The following CDH8 variants were observed in gnomAD, a reference collection of about 807,000 sequenced individuals.
CDH8 encodes cadherin-8.
A neutral mutation model predicts 68.1 loss-of-function variants in CDH8; 17 were observed. The ratio of observed to expected loss-of-function variants is 0.25; its 90% CI spans 0.17 to 0.37. The LOEUF (loss-of-function observed/expected upper bound fraction) is 0.37. CDH8 is among the 10% of genes least tolerant of loss of function. The pLI is 1.00. For synonymous variants in CDH8, 372 were observed against 365.1 expected, an observed-to-expected ratio of 1.02 and a Z score of -0.21; for missense variants, 763 against 999.3, an observed-to-expected ratio of 0.76 and a Z score of 3.19.
chr16:62,036,399 C>G lies in CDH8; in HGVS notation c.-519G>C, dbSNP rs1316544556. 1 of 152,602 alleles carries G rather than the reference C, an allele frequency of 6.6e-6. No homozygotes were observed. The highest frequency in any genetic ancestry group is 2.4e-5 in the African/African-American group (1 of 41,490). The allele number at this position is 152,602 out of a possible 1,614,324, so 9.5% of individuals were successfully genotyped here. A position where few individuals can be genotyped will look rare whatever the true frequency, so the allele number is the denominator to read the frequency against. On this transcript the variant is annotated 5_prime_UTR_variant, in exon 1 of 12. Transcript: ENST00000577390. ...AAATCCACTAATTCTGGGCTGAGCG[C>G]TCCGGCGTGCGAGCCCGCCTGCCTG...
chr16:61,721,318 A>G (rs548643476), intron 9 of CDH8, among the ~76,000 whole-genome samples: 5 of 150,936 alleles, frequency 3.3e-5, no homozygotes, highest in Non-Finnish European at 7.4e-5. Context: ...TATCAATTTC[A>G]TCTGTTTTAA....
At chr16:61,719,545 C>T (rs1959201816) in intron 9 of CDH8, among the ~76,000 whole-genome samples, 1 of 150,880 alleles carries the variant, frequency 6.6e-6, no homozygotes, top group African/African-American at 2.4e-5. Context: ...AAATAAAAAC[C>T]ACTCCATCTC....
chr16:61,815,255 T>C (rs941403672), intron 7 of CDH8, among the ~76,000 whole-genome samples: 2 of 152,160 alleles, frequency 1.3e-5, no homozygotes, highest in African/African-American at 4.8e-5. Flanking sequence ...TCAAGCTTCC[T>C]CTACACAAAC....
At chr16:61,926,497 T>G (rs924931367) in intron 2 of CDH8, among the ~76,000 whole-genome samples, 3 of 152,162 alleles carry the variant, frequency 2.0e-5, no homozygotes, top group Admixed American at 6.5e-5. Context: ...AAGGGTCAGC[T>G]CCTGCATTCA....
intron 4 of CDH8, among the ~76,000 whole-genome samples, chr16:61,849,811 A>G (rs773819768): frequency 4.7e-4 from 71 of 152,254 alleles, no homozygotes; most frequent in Non-Finnish European, 7.8e-4. Context: ...CCAACAATGC[A>G]AGAGCTTTTG....
At chr16:61,744,969 TTTTG>T (rs1435984269) in intron 8 of CDH8, among the ~76,000 whole-genome samples, 2 of 151,372 alleles carry the variant, frequency 1.3e-5, no homozygotes, top group South Asian at 2.1e-4. Flanking sequence ...ATATTAATAT[TTTTG>T]TTTATCTTCT....
chr16:61,803,255 C>G (rs1961703120), intron 7 of CDH8, among the ~76,000 whole-genome samples: 1 of 126,166 alleles, frequency 7.9e-6, no homozygotes, highest in South Asian at 2.5e-4. Context: ...ACTTCACAGA[C>G]AAGCAAATGC....
chr16:61,921,081 A>G (rs1251811307), intron 2 of CDH8, among the ~76,000 whole-genome samples: 1 of 131,242 alleles, frequency 7.6e-6, no homozygotes, highest in South Asian at 2.5e-4. Context: ...AGGAAGGGGA[A>G]CATCACACTC....
At chr16:61,961,904 T>A (rs1252599404) in intron 2 of CDH8, among the ~76,000 whole-genome samples, 1 of 152,232 alleles carries the variant, frequency 6.6e-6, no homozygotes, top group Non-Finnish European at 1.5e-5. Context: ...GTGGAAAATT[T>A]ACTTACAACT....
At chr16:61,748,005 T>A (rs1016247993) in intron 8 of CDH8, among the ~76,000 whole-genome samples, 1 of 152,070 alleles carries the variant, frequency 6.6e-6, no homozygotes, top group African/African-American at 2.4e-5. Context: ...ATTTTTTCCA[T>A]CAAGGCATTG....
At chr16:61,669,230 G>A (rs1963742373) in intron 10 of CDH8, among the ~76,000 whole-genome samples, 1 of 151,990 alleles carries the variant, frequency 6.6e-6, no homozygotes, top group Non-Finnish European at 1.5e-5. Flanking sequence ...CTTGCCATCA[G>A]CTATACCTCC....
At chr16:61,710,046 C>G (rs767848145) in intron 10 of CDH8, among the ~76,000 whole-genome samples, 4 of 152,074 alleles carry the variant, frequency 2.6e-5, no homozygotes, top group African/African-American at 9.7e-5. Context: ...AGAGGAGATA[C>G]AGTATGAGAA....
chr16:61,931,234 C>T (rs1198111031), intron 2 of CDH8, among the ~76,000 whole-genome samples: 1 of 152,114 alleles, frequency 6.6e-6, no homozygotes, highest in African/African-American at 2.4e-5. Context: ...GGCGTGATCA[C>T]TCCACTGTCA....
At chr16:61,727,009 C>T in intron 9 of CDH8, 85 bp downstream of exon 9, 1 of 1,386,528 alleles carries the variant, frequency 7.2e-7, no homozygotes. Flanking sequence ...ATAAATGATG[C>T]AAATGCACAA....
chr16:61,820,157 C>T (rs887805296), intron 6 of CDH8, among the ~76,000 whole-genome samples: 14 of 151,780 alleles, frequency 9.2e-5, no homozygotes, highest in African/African-American at 3.4e-4. Context: ...TCAATGGTAC[C>T]TCCCTATCCA....
chr16:61,893,928 C>A (rs1462910144), intron 3 of CDH8, among the ~76,000 whole-genome samples: 2 of 152,116 alleles, frequency 1.3e-5, no homozygotes, highest in Non-Finnish European at 2.9e-5. Context: ...AAGAAAATCA[C>A]CACTTGGCAG....
At chr16:61,882,819 CA>C (rs1180173806) in intron 3 of CDH8, among the ~76,000 whole-genome samples, 1 of 152,158 alleles carries the variant, frequency 6.6e-6, no homozygotes, top group East Asian at 1.9e-4. Flanking sequence ...AACCAACCCC[CA>C]TGCCACACAT....
chr16:61,931,227 G>A (rs552539884), intron 2 of CDH8, among the ~76,000 whole-genome samples: 6 of 152,118 alleles, frequency 3.9e-5, no homozygotes, highest in African/African-American at 7.2e-5. Flanking sequence ...GTGCAGTGGC[G>A]TGATCACTCC....
At chr16:61,961,149 C>T (rs531883017) in intron 2 of CDH8, among the ~76,000 whole-genome samples, 148 of 152,160 alleles carry the variant, frequency 9.7e-4, no homozygotes, top group African/African-American at 3.5e-3. Flanking sequence ...AACCCTGTCT[C>T]TACTAAAAAT....
Sources: gnomAD v4.1 joint callset for allele counts (sites outside exome capture counted in the v4.1 genomes callset) on GRCh38, gnomAD v4.1.1 for gene constraint, MANE v1.5 for transcripts, NCBI Gene and HGNC (gene_info 2026-07-23, HGNC 2026-07-21) for gene names.